CNGB3: variants seen among roughly 807,000 people sequenced by gnomAD.
CNGB3 encodes the protein cyclic nucleotide gated channel subunit beta 3, also known as cyclic nucleotide-gated channel beta-3.
In CNGB3, 86 loss-of-function variants were observed where a neutral mutation model predicts 92.8. That is an observed-to-expected ratio of 0.93 (90% CI 0.78 to 1.11). The LOEUF is 1.11. Ranked by LOEUF, CNGB3 falls within the 50% of genes least tolerant of loss-of-function variation. The pLI is 0.00. For synonymous variants in CNGB3, 333 were observed against 332.7 expected, an observed-to-expected ratio of 1.00 and a Z score of -0.01; for missense variants, 1,026 against 956.8, an observed-to-expected ratio of 1.07 and a Z score of -0.95.
intron 13 of CNGB3, among the ~76,000 whole-genome samples, chr8:86,624,301 C>A (rs369573582): frequency 1.3e-5 from 2 of 152,086 alleles, no homozygotes; most frequent in African/African-American, 4.8e-5. Context: ...TGCCTGTAAT[C>A]CCAGCTACTT....
chr8:86,720,777 G>C (rs1304396221), intron 3 of CNGB3, among the ~76,000 whole-genome samples: 2 of 149,348 alleles, frequency 1.3e-5, no homozygotes, highest in East Asian at 2.0e-4. Context: ...AGTAAATAAA[G>C]TGTGATATAT....
At chr8:86,584,537 G>C (rs1056365385) in intron 15 of CNGB3, among the ~76,000 whole-genome samples, 1 of 151,574 alleles carries the variant, frequency 6.6e-6, no homozygotes, top group Non-Finnish European at 1.5e-5. Flanking sequence ...GATGGATTTT[G>C]CCCAAACTCT....
intron 3 of CNGB3, among the ~76,000 whole-genome samples, chr8:86,709,628 A>G (rs899632130): frequency 6.6e-6 from 1 of 152,160 alleles, no homozygotes; most frequent in Non-Finnish European, 1.5e-5. Context: ...TTAGACATTT[A>G]AGTTCTCAGT....
chr8:86,657,443 T>A, intron 6 of CNGB3: 2 of 513,852 alleles, frequency 3.9e-6, no homozygotes, highest in East Asian at 1.1e-4. Context: ...AATGCAGGGG[T>A]TGCTGCCCAA....
At chr8:86,740,840 G>A (rs944523310) in intron 1 of CNGB3, among the ~76,000 whole-genome samples, 4 of 152,040 alleles carry the variant, frequency 2.6e-5, no homozygotes, top group East Asian at 1.9e-4. Flanking sequence ...TTATATGAAC[G>A]TAGCTAGAAA....
In CNGB3 at chr8:86,643,893, C is replaced by A; in HGVS notation, c.1056-20G>T. ...ATAACTCTGTCAGAGAGAATAGATG[C>A]AAAGTAAGATTCATGTTGTTTCTGA... On this transcript the variant is annotated intron_variant, in intron 9 of 17. Transcript: ENST00000320005. 1 of 1,600,090 alleles carries A rather than the reference C, an allele frequency of 6.2e-7. No homozygotes were observed. The highest frequency in any genetic ancestry group is 8.5e-7 in the Non-Finnish European group (1 of 1,170,856).
In CNGB3 at chr8:86,635,851, TATATATATATATACAC is replaced by T. The variant is rs1460256015; in HGVS notation, c.1179-2974_1179-2959del. The stretch of plus-strand genomic sequence containing the variant: ...ATATATATATATATATATATATATA[TATATATATATATACAC>T]ATACACATATACTTAGGCATACTTA... On this transcript the variant is annotated intron_variant, in intron 10 of 17. Coordinates refer to ENST00000320005, the MANE Select transcript of CNGB3 (RefSeq NM_019098.5). Among the ~76,000 whole-genome samples the T allele has an allele frequency of 1.0e-3, 78 of 76,448 alleles. 2 individuals carry two copies. Among genetic ancestry groups the T allele is most frequent in the South Asian group, 2.1e-3 (5 of 2,394 alleles). 50.2% of individuals were successfully genotyped at this position (76,448 alleles called of 152,430 possible).
chr8:86,696,337 C>A (rs1013956486), intron 3 of CNGB3, among the ~76,000 whole-genome samples: 5 of 152,164 alleles, frequency 3.3e-5, no homozygotes, highest in African/African-American at 1.2e-4. Flanking sequence ...GGGATATAAT[C>A]TTGCCCTGAG....
At chr8:86,704,632 C>T (rs1414420534) in intron 3 of CNGB3, among the ~76,000 whole-genome samples, 1 of 152,120 alleles carries the variant, frequency 6.6e-6, no homozygotes, top group Admixed American at 6.6e-5. Flanking sequence ...GCACTTGGTC[C>T]ACCAAGGGAC....
intron 4 of CNGB3, among the ~76,000 whole-genome samples, chr8:86,669,149 A>C (rs1823807486): frequency 6.6e-6 from 1 of 152,174 alleles, no homozygotes; most frequent in African/African-American, 2.4e-5. Flanking sequence ...ACAGGAAATA[A>C]ATTTTAAAAA....
At chr8:86,713,976 G>C (rs1824798800) in intron 3 of CNGB3, among the ~76,000 whole-genome samples, 1 of 152,064 alleles carries the variant, frequency 6.6e-6, no homozygotes, top group Non-Finnish European at 1.5e-5. Flanking sequence ...CATCCCCCAA[G>C]AGAGTGGTAC....
chr8:86,628,828 T>C, intron 12 of CNGB3, 91 bp downstream of exon 12: 1 of 1,370,054 alleles, frequency 7.3e-7, no homozygotes, highest in East Asian at 2.3e-5. Context: ...TTCAACCTTT[T>C]GTTCAAATCC....
chr8:86,608,397 G>A (rs541922081), intron 14 of CNGB3, among the ~76,000 whole-genome samples: 42 of 152,354 alleles, frequency 2.8e-4, no homozygotes, highest in Admixed American at 1.9e-3. Flanking sequence ...CAGGTGGACC[G>A]TGGTCTAGCA....
chr8:86,660,634 G>T, intron 6 of CNGB3: 2 of 533,688 alleles, frequency 3.7e-6, no homozygotes. Flanking sequence ...TGACTAAGAT[G>T]GCATTTATTT....
chr8:86,588,121 A>G (rs1821935883), intron 15 of CNGB3, among the ~76,000 whole-genome samples: 1 of 143,712 alleles, frequency 7.0e-6, no homozygotes, highest in Admixed American at 6.9e-5. Context: ...GAGTTCACTC[A>G]TGATTTGGCT....
At chr8:86,743,112 T>C (rs1825370147) in intron 1 of CNGB3, among the ~76,000 whole-genome samples, 1 of 152,096 alleles carries the variant, frequency 6.6e-6, no homozygotes, top group African/African-American at 2.4e-5. Flanking sequence ...GCCAATAGGT[T>C]TCCTATTGCT....
intron 3 of CNGB3, among the ~76,000 whole-genome samples, chr8:86,684,632 G>A (rs1824147465): frequency 7.0e-6 from 1 of 142,760 alleles, no homozygotes; most frequent in Admixed American, 7.2e-5. Context: ...ACTGTGGTAA[G>A]TTCATGTCAT....
intron 15 of CNGB3, among the ~76,000 whole-genome samples, chr8:86,591,563 G>T (rs1285163107): frequency 6.6e-6 from 1 of 151,650 alleles, no homozygotes; most frequent in Non-Finnish European, 1.5e-5. Flanking sequence ...CTAACAGACA[G>T]GACCCTCAGC....
chr8:86,587,656 G>A (rs1388289999), intron 15 of CNGB3, among the ~76,000 whole-genome samples: 8 of 151,426 alleles, frequency 5.3e-5, no homozygotes, highest in Admixed American at 1.3e-4. Flanking sequence ...GTAGATATGC[G>A]GCGTTATTTC....
Sources: gnomAD v4.1 joint callset for allele counts (sites outside exome capture counted in the v4.1 genomes callset) on GRCh38, gnomAD v4.1.1 for gene constraint, MANE v1.5 for transcripts, NCBI Gene and HGNC (gene_info 2026-07-23, HGNC 2026-07-21) for gene names.